Variants in CCDC178 observed in about 807,000 individuals in gnomAD.
CCDC178 encodes coiled-coil domain-containing protein 178.
CCDC178 carries 126 observed loss-of-function variants against 117.4 expected under a neutral mutation model. The ratio of observed to expected loss-of-function variants is 1.07; its 90% CI spans 0.93 to 1.24. The LOEUF is 1.24. Ranked by LOEUF, CCDC178 falls within the 50% of genes most tolerant of loss-of-function variation. The pLI, the probability that CCDC178 is intolerant of heterozygous loss-of-function variation, is 0.00. For synonymous variants in CCDC178, 283 were observed against 313.4 expected, an observed-to-expected ratio of 0.90 and a Z score of 1.02; for missense variants, 1,030 against 986.9, an observed-to-expected ratio of 1.04 and a Z score of -0.59.
At chr18:33,316,545 G>A (rs2062421192) in intron 11 of CCDC178, among the ~76,000 whole-genome samples, 1 of 152,084 alleles carries the variant, frequency 6.6e-6, no homozygotes, top group Non-Finnish European at 1.5e-5. Flanking sequence ...CGCCCGGAGA[G>A]CAGGTGCAGG....
chr18:33,130,412 T>G (rs1011978024), intron 20 of CCDC178, among the ~76,000 whole-genome samples: 1 of 152,058 alleles, frequency 6.6e-6, no homozygotes, highest in Non-Finnish European at 1.5e-5. Context: ...TAAATTATTA[T>G]GTAGTTTGAC....
intron 15 of CCDC178, among the ~76,000 whole-genome samples, chr18:33,239,031 C>A (rs1323653919): frequency 6.6e-6 from 1 of 152,040 alleles, no homozygotes; most frequent in Non-Finnish European, 1.5e-5. Context: ...GCAAAGCTAT[C>A]ATTCAGAAAT....
At chr18:33,299,502 A>AACACACACACAC (rs71159812) in intron 11 of CCDC178, among the ~76,000 whole-genome samples, 4 of 146,178 alleles carry the variant, frequency 2.7e-5, no homozygotes, top group South Asian at 2.2e-4. Context: ...AACTAGTATA[A>AACACACACACAC]ACACACACAC....
chr18:33,264,013 A>C (rs1434676370), intron 14 of CCDC178, among the ~76,000 whole-genome samples: 1 of 152,136 alleles, frequency 6.6e-6, no homozygotes, highest in Non-Finnish European at 1.5e-5. Flanking sequence ...CATTTAAATT[A>C]TTAGGTGCAG....
intron 22 of CCDC178, among the ~76,000 whole-genome samples, chr18:32,944,681 T>C (rs980877695): frequency 6.6e-6 from 1 of 152,210 alleles, no homozygotes; most frequent in Non-Finnish European, 1.5e-5. Context: ...AATAGCGACA[T>C]GGTTTGGCTG....
chr18:33,164,391 G>A (rs2058503569), intron 20 of CCDC178, among the ~76,000 whole-genome samples: 1 of 151,844 alleles, frequency 6.6e-6, no homozygotes, highest in African/African-American at 2.4e-5. Flanking sequence ...TGGGATAACA[G>A]GTATGAGACA....
intron 11 of CCDC178, among the ~76,000 whole-genome samples, chr18:33,302,735 G>A (rs546960328): frequency 2.6e-5 from 4 of 152,258 alleles, no homozygotes; most frequent in East Asian, 1.9e-4. Flanking sequence ...TGAATATTAC[G>A]TTAATGAAAT....
intron 20 of CCDC178, among the ~76,000 whole-genome samples, chr18:33,100,190 A>ACAAAG (rs1181574671): frequency 6.6e-6 from 1 of 151,908 alleles, no homozygotes; most frequent in Non-Finnish European, 1.5e-5. Context: ...ATATGAGGAC[A>ACAAAG]CAAAGGACTC....
At chr18:32,974,890 TG>T (rs1258261876) in intron 21 of CCDC178, among the ~76,000 whole-genome samples, 1 of 152,070 alleles carries the variant, frequency 6.6e-6, no homozygotes, top group Admixed American at 6.6e-5. Flanking sequence ...GCCGCCAGGA[TG>T]GGGGGTTAAT....
Position 33,215,584 on chromosome 18 carries a change from T to C in CCDC178, c.2044A>G (p.Lys682Glu). The C allele has an allele frequency of 1.3e-6, 2 of 1,482,782 alleles. No homozygotes were observed. 91.9% of individuals were successfully genotyped at this position (1,482,782 alleles called of 1,614,324 possible). Residue 682 changes from lysine to glutamate, a missense_variant, in exon 19 of 23, where the codon AAG becomes GAG. By Grantham distance (56) the Lys-to-Glu change is moderately conservative. Transcript: ENST00000383096. ...TCAAGTGTCTGATCAAAACTTTTCT[T>C]TTCTTCTTCTTTTGCTTTTAATTCC... ...NEELKAKEEE[K>E]KSFDQTLEIL...
intron 21 of CCDC178, among the ~76,000 whole-genome samples, chr18:33,021,815 A>C (rs888335347): frequency 2.6e-5 from 4 of 152,120 alleles, no homozygotes; most frequent in Non-Finnish European, 5.9e-5. Context: ...ACAGTGCTAA[A>C]TGCCACTGCT....
chr18:33,349,730 A>AT (rs2062945866), intron 7 of CCDC178, among the ~76,000 whole-genome samples: 1 of 151,868 alleles, frequency 6.6e-6, no homozygotes, highest in South Asian at 2.1e-4. Flanking sequence ...TCATTACATT[A>AT]TTTTTTATTA....
At chr18:33,142,420 T>C (rs537928827) in intron 20 of CCDC178, among the ~76,000 whole-genome samples, 2 of 152,318 alleles carry the variant, frequency 1.3e-5, no homozygotes, top group South Asian at 2.1e-4. Flanking sequence ...CAATACAGTA[T>C]CATGATAGAA....
chr18:33,096,593 A>G (rs2057547437), intron 20 of CCDC178, among the ~76,000 whole-genome samples: 1 of 151,948 alleles, frequency 6.6e-6, no homozygotes, highest in Non-Finnish European at 1.5e-5. Context: ...AATGTAAGAT[A>G]TTAACAACCC....
At chr18:33,175,989 C>T (rs894875970) in intron 20 of CCDC178, among the ~76,000 whole-genome samples, 1 of 152,018 alleles carries the variant, frequency 6.6e-6, no homozygotes, top group Non-Finnish European at 1.5e-5. Context: ...CTGAAATCTA[C>T]ATCTCCACCA....
intron 3 of CCDC178, among the ~76,000 whole-genome samples, chr18:33,398,505 T>A (rs2063669654): frequency 6.6e-6 from 1 of 152,342 alleles, no homozygotes; most frequent in East Asian, 1.9e-4. Context: ...ATGATTTTCC[T>A]AAATTACCAA....
At chr18:33,209,230 T>C (rs271542) in intron 20 of CCDC178, among the ~76,000 whole-genome samples, 24,405 of 151,960 alleles carry the variant, frequency 0.16, 2,732 homozygotes, top group African/African-American at 0.32. Context: ...CTACCATTTA[T>C]GGATATATGA....
At chr18:33,325,788 C>A (rs4422050) in intron 10 of CCDC178, among the ~76,000 whole-genome samples, 3 of 152,020 alleles carry the variant, frequency 2.0e-5, no homozygotes. Flanking sequence ...GATCTTACAA[C>A]GCATCTTTTG....
intron 21 of CCDC178, among the ~76,000 whole-genome samples, chr18:33,067,412 T>C (rs1276012921): frequency 6.6e-6 from 1 of 151,466 alleles, no homozygotes; most frequent in African/African-American, 2.4e-5. Flanking sequence ...TAGAAAGATT[T>C]CAAATAAACA....
Sources: allele counts gnomAD v4.1 joint callset (sites outside exome capture counted in the v4.1 genomes callset), GRCh38; gene constraint gnomAD v4.1.1; transcripts MANE v1.5; gene names NCBI Gene and HGNC (gene_info 2026-07-23, HGNC 2026-07-21).